The following SLC39A9 variants were observed in gnomAD, a reference collection of about 807,000 sequenced individuals.
The protein encoded by SLC39A9 is solute carrier family 39 member 9.
In SLC39A9, 14 loss-of-function variants were observed where a neutral mutation model predicts 28.4. The ratio of observed to expected loss-of-function variants is 0.49; its 90% CI spans 0.33 to 0.77. The LOEUF (loss-of-function observed/expected upper bound fraction) is 0.77. Among genes scored for constraint, SLC39A9 ranks in the 30% least tolerant of loss-of-function variants. The pLI is 0.02. For missense variants in SLC39A9, 283 were observed against 381.1 expected, an observed-to-expected ratio of 0.74 and a Z score of 2.14; for synonymous variants, 119 against 149.6, an observed-to-expected ratio of 0.80 and a Z score of 1.49.
At chr14:69,445,216 G>A (rs1295863507) in intron 3 of SLC39A9, among the ~76,000 whole-genome samples, 1 of 151,950 alleles carries the variant, frequency 6.6e-6, no homozygotes, top group Admixed American at 6.6e-5. Flanking sequence ...GTTACACTGA[G>A]TGTGGCTGCC....
In SLC39A9 at chr14:69,436,047, C is replaced by T. The variant is rs565820413; in HGVS notation, c.206-6022C>T. On this transcript the variant is annotated intron_variant, in intron 2 of 6. Transcript: ENST00000336643. Reference sequence around the variant, plus strand: ...TTATATTTTTCAGTTCTAAAATTTCCAGTTCGTTTCTTTTTATAAGTGTCT... The same window carrying T: ...TTATATTTTTCAGTTCTAAAATTTCTAGTTCGTTTCTTTTTATAAGTGTCT... 4.7e-4 allele frequency among the ~76,000 whole-genome samples: 72 copies of T among 152,072 alleles called. 1 individual carries two copies. The highest frequency in any genetic ancestry group is 8.5e-4 in the Non-Finnish European group (58 of 67,980).
rs1201552391 is a variant in SLC39A9 at position 69,458,231 on chromosome 14, G to A, written c.694-132G>A. 4.6e-6 allele frequency: 5 copies of A among 1,079,642 alleles called. No homozygotes were observed. In the East Asian group the frequency reaches 7.2e-5, roughly 16 times the overall value. 66.9% of individuals were successfully genotyped at this position (1,079,642 alleles called of 1,614,324 possible). A position where few individuals can be genotyped will look rare whatever the true frequency, so the allele number is the denominator to read the frequency against. On this transcript the variant is annotated intron_variant, in intron 6 of 6. Coordinates refer to ENST00000336643, the MANE Select transcript of SLC39A9 (RefSeq NM_018375.5). Reference sequence around the variant, plus strand: ...TTCCCATGAATAACTTAAAGTTGCTGTGTTCTCTAGATGTCCCCAGTGTCC... The same window carrying A: ...TTCCCATGAATAACTTAAAGTTGCTATGTTCTCTAGATGTCCCCAGTGTCC...
chr14:69,452,733 A>T (rs1455317652), intron 3 of SLC39A9, among the ~76,000 whole-genome samples: 1 of 152,172 alleles, frequency 6.6e-6, no homozygotes, highest in South Asian at 2.1e-4. Flanking sequence ...GGTTTGAGTG[A>T]TGAAAATTTA....
chr14:69,457,342 A>G (rs189902719), intron 6 of SLC39A9, among the ~76,000 whole-genome samples: 9 of 152,186 alleles, frequency 5.9e-5, no homozygotes, highest in African/African-American at 1.9e-4. Flanking sequence ...AGCTGGGATT[A>G]CAGGCGCCCG....
Position 69,399,155 on chromosome 14 carries a change from A to G in SLC39A9, c.-215A>G. ...AGAGCCTGGGACCTTAGATTGCTGTAAGCTTTCTCTGGTGCTAATATCAGC... is the reference window on the plus strand; with the variant it reads ...AGAGCCTGGGACCTTAGATTGCTGTGAGCTTTCTCTGGTGCTAATATCAGC... On this transcript the variant is annotated 5_prime_UTR_variant, in exon 1 of 7. Coordinates refer to ENST00000336643, the MANE Select transcript of SLC39A9 (RefSeq NM_018375.5). 1 of 541,840 alleles carries G rather than the reference A, an allele frequency of 1.8e-6. No individual in the cohort carries two copies. Among genetic ancestry groups the G allele is most frequent in the Non-Finnish European group, 3.2e-6 (1 of 310,530 alleles). 33.6% of individuals were successfully genotyped at this position (541,840 alleles called of 1,614,324 possible).
At chr14:69,420,585 A>C (rs1280965001) in intron 1 of SLC39A9, among the ~76,000 whole-genome samples, 1 of 152,180 alleles carries the variant, frequency 6.6e-6, no homozygotes, top group African/African-American at 2.4e-5. Flanking sequence ...TAATATCCTG[A>C]AAAGTGTTTT....
chr14:69,447,002 A>G (rs1295436067), intron 3 of SLC39A9, among the ~76,000 whole-genome samples: 1 of 151,850 alleles, frequency 6.6e-6, no homozygotes, highest in Non-Finnish European at 1.5e-5. Flanking sequence ...CTTATAGTAG[A>G]ATGCTCCAAT....
intron 2 of SLC39A9, among the ~76,000 whole-genome samples, chr14:69,437,416 T>C (rs1884821488): frequency 6.6e-6 from 1 of 152,216 alleles, no homozygotes; most frequent in Non-Finnish European, 1.5e-5. Flanking sequence ...TTGCTGTTGT[T>C]TACTTTTTGT....
At position 69,407,423 on chromosome 14, in the gene SLC39A9, C is replaced by T. The variant is rs188105469; in HGVS notation, c.96+7958C>T. Reference sequence around the variant, plus strand: ...CATGATCTTGACTCACCATAACCTCCGCCTCCCAGGTTCAAGTGATTCTCC... The same window carrying T: ...CATGATCTTGACTCACCATAACCTCTGCCTCCCAGGTTCAAGTGATTCTCC... On this transcript the variant is annotated intron_variant, in intron 1 of 6. Transcript: ENST00000336643. 5.8e-4 allele frequency among the ~76,000 whole-genome samples: 87 copies of T among 151,218 alleles called. 1 individual carries two copies. The highest frequency in any genetic ancestry group is 3.4e-3 in the Middle Eastern group (1 of 290).
At chr14:69,443,979 A>G (rs894329646) in intron 3 of SLC39A9, among the ~76,000 whole-genome samples, 2 of 152,086 alleles carry the variant, frequency 1.3e-5, no homozygotes, top group Admixed American at 1.3e-4. Flanking sequence ...TGAGACCAGG[A>G]GTTCAAGATC....
chr14:69,435,573 A>G (rs1594932727), intron 2 of SLC39A9, among the ~76,000 whole-genome samples: 2 of 152,272 alleles, frequency 1.3e-5, no homozygotes, highest in African/African-American at 2.4e-5. Flanking sequence ...CAGATAGTAA[A>G]TATTTTAGAC....
intron 1 of SLC39A9, among the ~76,000 whole-genome samples, chr14:69,418,433 T>A (rs1436929461): frequency 6.6e-6 from 1 of 152,122 alleles, no homozygotes; most frequent in Non-Finnish European, 1.5e-5. Flanking sequence ...AAAATTCTCT[T>A]TTTTGTTGTT....
intron 1 of SLC39A9, among the ~76,000 whole-genome samples, chr14:69,415,771 T>G (rs1393791798): frequency 6.6e-6 from 1 of 151,874 alleles, no homozygotes; most frequent in Non-Finnish European, 1.5e-5. Flanking sequence ...AAGGAGGGAG[T>G]GATGTTTCAA....
intron 1 of SLC39A9, among the ~76,000 whole-genome samples, chr14:69,410,450 A>G (rs1566907927): frequency 6.6e-6 from 1 of 152,196 alleles, no homozygotes; most frequent in Admixed American, 6.5e-5. Context: ...CTACACAATA[A>G]TAATACTAGT....
In SLC39A9 at chr14:69,459,705, A is replaced by T; in HGVS notation, c.*1112A>T. 1 of 985,100 alleles carries T rather than the reference A, an allele frequency of 1.0e-6. No individual in the cohort carries two copies. Among genetic ancestry groups the T allele is most frequent in the Non-Finnish European group, 1.2e-6 (1 of 829,680 alleles). The allele number at this position is 985,100 out of a possible 1,614,324, so 61.0% of individuals were successfully genotyped here. On this transcript the variant is annotated 3_prime_UTR_variant, in exon 7 of 7. Transcript: ENST00000336643. ...ATGAGAAGTGTTTGCCTATTGATTT[A>T]AAGCTTATTGGAATCATGTCTCTTG...
At chr14:69,419,330 C>T (rs1343810947) in intron 1 of SLC39A9, among the ~76,000 whole-genome samples, 1 of 152,132 alleles carries the variant, frequency 6.6e-6, no homozygotes, top group East Asian at 1.9e-4. Context: ...TTTCTTAATC[C>T]TGAGTTCTAG....
intron 1 of SLC39A9, among the ~76,000 whole-genome samples, chr14:69,407,659 A>T: frequency 7.4e-6 from 1 of 134,270 alleles, no homozygotes; most frequent in South Asian, 2.3e-4. Context: ...TTATTTTGAG[A>T]CAGAATTTTG....
chr14:69,451,228 A>C (rs1885595755), intron 3 of SLC39A9, among the ~76,000 whole-genome samples: 1 of 152,210 alleles, frequency 6.6e-6, no homozygotes, highest in Admixed American at 6.5e-5. Context: ...AATATCATTT[A>C]TTAATAAGAG....
At position 69,418,534 on chromosome 14, in the gene SLC39A9, A is replaced by G. The variant is rs1265549411; in HGVS notation, c.97-5560A>G. Among the ~76,000 whole-genome samples, 26 of 152,154 alleles carry G rather than the reference A, an allele frequency of 1.7e-4. 1 individual carries two copies. The highest frequency in any genetic ancestry group is 1.7e-3 in the Admixed American group (26 of 15,266). On this transcript the variant is annotated intron_variant, in intron 1 of 6. Coordinates refer to ENST00000336643, the MANE Select transcript of SLC39A9 (RefSeq NM_018375.5). ...TCCCTCTTTTTCTATTGATTGAAAT[A>G]GGGTTTCAGAAGGAATGGTACCAGC...
Sources: gnomAD v4.1 joint callset for allele counts (sites outside exome capture counted in the v4.1 genomes callset) on GRCh38, gnomAD v4.1.1 for gene constraint, MANE v1.5 for transcripts, NCBI Gene and HGNC (gene_info 2026-07-23, HGNC 2026-07-21) for gene names.